The following CCDC141 variants were observed in gnomAD, a reference collection of about 807,000 sequenced individuals.
CCDC141 encodes coiled-coil domain-containing protein 141.
A neutral mutation model predicts 181.0 loss-of-function variants in CCDC141; 168 were observed. The observed-to-expected ratio is 0.93, with a 90% CI of 0.82 to 1.05. The LOEUF (loss-of-function observed/expected upper bound fraction) is 1.05. Ranked by LOEUF, CCDC141 falls within the 50% of genes least tolerant of loss-of-function variation. The pLI is 0.00. For synonymous variants in CCDC141, 666 were observed against 642.3 expected (o/e 1.04, Z -0.56); for missense variants, 1,902 against 1,788.5 (o/e 1.06, Z -1.14).
rs183752705 is a variant in CCDC141 at position 178,935,229 on chromosome 2, A to G, written c.897+9306T>C. On this transcript the variant is annotated intron_variant, in intron 6 of 23. Transcript: ENST00000443758. ...AGATTATTTCATCACCCAGGTATTAAGCCCAGTCCCCAATAGTTATCTTTT... is the reference window on the plus strand; with the variant it reads ...AGATTATTTCATCACCCAGGTATTAGGCCCAGTCCCCAATAGTTATCTTTT... 7.6e-4 allele frequency among the ~76,000 whole-genome samples: 116 copies of G among 152,214 alleles called. 1 individual carries two copies. The Middle Eastern group carries it at 0.014, about 18-fold the overall frequency.
chr2:178,943,828 T>C (rs1209577209), intron 6 of CCDC141, among the ~76,000 whole-genome samples: 1 of 152,134 alleles, frequency 6.6e-6, no homozygotes, highest in Non-Finnish European at 1.5e-5. Flanking sequence ...ACCAAAACAC[T>C]GGTGCTTTAC....
chr2:178,966,446 GC>G (rs1690636256), intron 4 of CCDC141, among the ~76,000 whole-genome samples: 1 of 152,174 alleles, frequency 6.6e-6, no homozygotes, highest in African/African-American at 2.4e-5. Context: ...TTGCTGTTCT[GC>G]AGCCTCCACT....
intron 21 of CCDC141, 49 bp downstream of exon 21, chr2:178,850,000 T>C: frequency 9.8e-7 from 1 of 1,023,812 alleles, no homozygotes; most frequent in Non-Finnish European, 1.5e-6. Flanking sequence ...GATTAACACA[T>C]TTTTATTTAT....
chr2:179,033,677 C>A (rs1042354640), intron 2 of CCDC141, among the ~76,000 whole-genome samples: 1 of 152,034 alleles, frequency 6.6e-6, no homozygotes, highest in Non-Finnish European at 1.5e-5. Flanking sequence ...AGACCTAGAA[C>A]CTTTTTGTCA....
chr2:179,039,432 CT>C (rs1171777612), intron 2 of CCDC141, among the ~76,000 whole-genome samples: 1 of 152,142 alleles, frequency 6.6e-6, no homozygotes, highest in Non-Finnish European at 1.5e-5. Context: ...AATTATGCCA[CT>C]TTTTCTTTGA....
At chr2:179,047,232 A>C (rs926491221) in intron 2 of CCDC141, 52 bp downstream of exon 2, 1 of 1,457,756 alleles carries the variant, frequency 6.9e-7, no homozygotes, top group East Asian at 2.6e-5. Flanking sequence ...TATAAGAAAT[A>C]GTTTTTTATG....
chr2:179,006,800 A>G (rs1383459660), intron 2 of CCDC141, among the ~76,000 whole-genome samples: 2 of 152,196 alleles, frequency 1.3e-5, no homozygotes, highest in Non-Finnish European at 1.5e-5. Flanking sequence ...GCCATTAAAG[A>G]CTGATTTTTC....
At chr2:178,969,336 A>T (rs1333268039) in intron 4 of CCDC141, among the ~76,000 whole-genome samples, 1 of 151,636 alleles carries the variant, frequency 6.6e-6, no homozygotes, top group East Asian at 1.9e-4. Flanking sequence ...CACAAATGGG[A>T]CCTAATATTC....
intron 5 of CCDC141, among the ~76,000 whole-genome samples, chr2:178,950,562 G>A (rs1414669482): frequency 6.6e-6 from 1 of 152,140 alleles, no homozygotes; most frequent in East Asian, 1.9e-4. Context: ...CCAAAAATGT[G>A]GATCGGGTTT....
At chr2:178,886,900 T>C (rs1307403247) in intron 9 of CCDC141, 29 bp from the exon 10 acceptor site, 1 of 1,304,932 alleles carries the variant, frequency 7.7e-7, no homozygotes, top group Admixed American at 3.7e-5. Flanking sequence ...TATGGCAGTC[T>C]TAGTAATATA....
intron 2 of CCDC141, among the ~76,000 whole-genome samples, chr2:178,987,204 A>G (rs1458048029): frequency 6.8e-6 from 1 of 146,838 alleles, no homozygotes; most frequent in African/African-American, 2.5e-5. Flanking sequence ...CCTGACAAAA[A>G]CAAGCAATGG....
At chr2:179,008,068 T>C (rs1449466116) in intron 2 of CCDC141, among the ~76,000 whole-genome samples, 3 of 152,218 alleles carry the variant, frequency 2.0e-5, no homozygotes, top group Admixed American at 6.5e-5. Context: ...AGATATTTTA[T>C]CAAAATGACT....
intron 10 of CCDC141, among the ~76,000 whole-genome samples, 167 bp from the exon 11 acceptor site, chr2:178,885,259 G>A (rs1403615394): frequency 1.4e-5 from 2 of 141,586 alleles, no homozygotes; most frequent in Non-Finnish European, 3.0e-5. Flanking sequence ...AAAAAAAAAA[G>A]GGCACTTTAG....
At chr2:178,842,831 G>C (rs1487734923) in intron 22 of CCDC141, among the ~76,000 whole-genome samples, 1 of 152,178 alleles carries the variant, frequency 6.6e-6, no homozygotes, top group Non-Finnish European at 1.5e-5. Flanking sequence ...GGTATTTTGG[G>C]GCACTTTAGG....
At chr2:178,994,228 C>T (rs1285136490) in intron 2 of CCDC141, among the ~76,000 whole-genome samples, 2 of 152,314 alleles carry the variant, frequency 1.3e-5, no homozygotes, top group Admixed American at 1.3e-4. Context: ...CCATGAGGGC[C>T]CTGCCCCTGC....
In CCDC141 at chr2:178,918,790, C is replaced by A; in HGVS notation, c.1015G>T (p.Glu339Ter). ...TCCACCATGAGTTGACCAAATTCTT[C>A]TTGAAGCTGACTGAGTTTCTGGTGA... ...LSHQKLSQLQ[E>*]EFGQLMVERN... The change falls in exon 7 of 24, where the codon GAA becomes TAA. Residue 339 changes from glutamate (E) to a stop codon, truncating the protein, a stop_gained. Transcript: ENST00000443758. LOFTEE classifies it high-confidence loss of function. The A allele has an allele frequency of 1.3e-6, 2 of 1,550,600 alleles. No homozygotes were observed. The highest frequency in any genetic ancestry group is 1.7e-6 in the Non-Finnish European group (2 of 1,147,010).
Position 178,855,460 on chromosome 2 carries a change from G to T in CCDC141, c.2947C>A (p.Leu983Ile), listed in dbSNP as rs578162866. 6.2e-7 allele frequency: 1 copy of T among 1,610,600 alleles called. No homozygotes were observed. The highest frequency in any genetic ancestry group is 1.1e-5 in the South Asian group (1 of 90,464). ...TGCAAATCCTTCATGACTTCCAAAA[G>T]GACATTAACTTTATCACTTGGATAA... Reference protein sequence around the residue: ...LNYPSDKVNVLLEVMKDLQKH... With the variant: ...LNYPSDKVNVILEVMKDLQKH... Residue 983 changes from leucine to isoleucine, a missense_variant, in exon 19 of 24, where the codon CTT becomes ATT. Leu to Ile is a conservative substitution (Grantham distance 5). Coordinates refer to ENST00000443758, the MANE Select transcript of CCDC141 (RefSeq NM_173648.4).
intron 6 of CCDC141, among the ~76,000 whole-genome samples, chr2:178,936,407 G>C (rs770245044): frequency 6.6e-5 from 10 of 151,970 alleles, no homozygotes; most frequent in Admixed American, 3.9e-4. Context: ...GGTGGTCATA[G>C]GTTTGCGGCC....
chr2:179,014,869 C>T (rs2042380272), intron 2 of CCDC141, among the ~76,000 whole-genome samples: 1 of 151,478 alleles, frequency 6.6e-6, no homozygotes, highest in Admixed American at 6.6e-5. Flanking sequence ...GTGGAGTTTC[C>T]TTAAAGAACT....
Sources: gnomAD v4.1 joint callset for allele counts (sites outside exome capture counted in the v4.1 genomes callset) on GRCh38, gnomAD v4.1.1 for gene constraint, MANE v1.5 for transcripts, NCBI Gene and HGNC (gene_info 2026-07-23, HGNC 2026-07-21) for gene names.